DRC2: variants seen among roughly 807,000 people sequenced by gnomAD.
The protein encoded by DRC2 is dynein regulatory complex subunit 2, also known as coiled-coil domain containing 65.
At chr12:48,918,167 G>A in the DRC2 span, 1 of 1,027,764 alleles carries the variant, frequency 9.7e-7, no homozygotes, top group Non-Finnish European at 1.5e-6. Context: ...GGAGACCTCT[G>A]TACTAAACTA....
At chr12:48,916,864 C>G in the DRC2 span, 4 of 1,032,206 alleles carry the variant, frequency 3.9e-6, no homozygotes, top group Admixed American at 9.9e-5. Context: ...TCCATCAGTA[C>G]CTAAGAGTTT....
At chr12:48,904,276 G>C in the DRC2 span, 1 of 1,562,820 alleles carries the variant, frequency 6.4e-7, no homozygotes, top group South Asian at 1.2e-5. Flanking sequence ...TTTCTTCTAA[G>C]CTCTGTAACG....
chr12:48,908,599 TTA>T, the DRC2 span, among the ~76,000 whole-genome samples: 198 of 107,828 alleles, frequency 1.8e-3, 1 homozygote, highest in East Asian at 3.8e-3. Flanking sequence ...ATTATTATTA[TTA>T]TTATTATTTA....
At chr12:48,918,589 GCT>G in the DRC2 span, 1 of 1,489,120 alleles carries the variant, frequency 6.7e-7, no homozygotes, top group Admixed American at 1.9e-5. Flanking sequence ...AAGATGATAT[GCT>G]CTGATTTCAG....
At chr12:48,920,656 A>G in the DRC2 span, among the ~76,000 whole-genome samples, 3 of 151,070 alleles carry the variant, frequency 2.0e-5, no homozygotes, top group Admixed American at 2.0e-4. Flanking sequence ...CCAGTAGCTG[A>G]GACTGTAGGC....
At chr12:48,913,875 C>A in the DRC2 span, among the ~76,000 whole-genome samples, 2 of 151,036 alleles carry the variant, frequency 1.3e-5, no homozygotes, top group Admixed American at 1.3e-4. Flanking sequence ...ATCTGCCCAC[C>A]TTGGCCTCCC....
chr12:48,904,227 A>G, the DRC2 span: 1 of 1,454,896 alleles, frequency 6.9e-7, no homozygotes, highest in South Asian at 1.4e-5. Context: ...ACCGCCCACA[A>G]CCAGGGGCAC....
the DRC2 span, among the ~76,000 whole-genome samples, chr12:48,912,112 TAGCC>T: frequency 6.6e-6 from 1 of 151,838 alleles, no homozygotes; most frequent in Admixed American, 6.6e-5. Flanking sequence ...TATAAAAAAT[TAGCC>T]AGGTGTGGTG....
At chr12:48,912,395 G>A in the DRC2 span, among the ~76,000 whole-genome samples, 250 of 128,206 alleles carry the variant, frequency 1.9e-3, 1 homozygote, top group Non-Finnish European at 1.9e-3. Flanking sequence ...GCGCCACTGC[G>A]CTCCAGCACT....
the DRC2 span, among the ~76,000 whole-genome samples, chr12:48,917,665 A>T: frequency 6.6e-6 from 1 of 152,192 alleles, no homozygotes; most frequent in African/African-American, 2.4e-5. Flanking sequence ...AAAAGCACCA[A>T]GGAGATCATC....
chr12:48,909,689 C>A, the DRC2 span, among the ~76,000 whole-genome samples: 1 of 151,662 alleles, frequency 6.6e-6, no homozygotes, highest in Admixed American at 6.6e-5. Flanking sequence ...TGTTGGCCAG[C>A]TGGTCTCGAA....
the DRC2 span, chr12:48,920,882 C>T: frequency 6.4e-7 from 1 of 1,554,318 alleles, no homozygotes; most frequent in East Asian, 2.3e-5. Context: ...CACTAGCTTC[C>T]CTCTTCACTC....
the DRC2 span, chr12:48,914,703 C>T: frequency 1.3e-6 from 1 of 798,672 alleles, no homozygotes; most frequent in Non-Finnish European, 1.9e-6. Flanking sequence ...GGACCCCCAG[C>T]AGAGAATATC....
the DRC2 span, among the ~76,000 whole-genome samples, chr12:48,910,340 G>C: frequency 6.6e-6 from 1 of 152,162 alleles, no homozygotes; most frequent in Non-Finnish European, 1.5e-5. Context: ...CACAGTGCTG[G>C]TACATAGCAG....
the DRC2 span, among the ~76,000 whole-genome samples, chr12:48,912,437 C>CAAAAA: frequency 0.055 from 2,481 of 45,160 alleles, 343 homozygotes; most frequent in Non-Finnish European, 0.067. Flanking sequence ...GACGCCGTCT[C>CAAAAA]AAAAAAAAAA....
the DRC2 span, among the ~76,000 whole-genome samples, chr12:48,916,264 GT>G: frequency 2.6e-5 from 4 of 152,288 alleles, no homozygotes; most frequent in East Asian, 7.7e-4. Flanking sequence ...GGAGGTGGAG[GT>G]TGTAGCGAGC....
the DRC2 span, among the ~76,000 whole-genome samples, chr12:48,912,852 G>T: frequency 6.6e-6 from 1 of 152,006 alleles, no homozygotes; most frequent in Admixed American, 6.6e-5. Context: ...GATACCCCAG[G>T]TTCTGCCAGG....
the DRC2 span, chr12:48,914,642 G>A: frequency 6.8e-7 from 1 of 1,480,558 alleles, no homozygotes; most frequent in African/African-American, 1.4e-5. Context: ...TCAAGGAGTT[G>A]CCTGTAAGCA....
At chr12:48,910,848 C>T in the DRC2 span, among the ~76,000 whole-genome samples, 1 of 152,028 alleles carries the variant, frequency 6.6e-6, no homozygotes, top group Non-Finnish European at 1.5e-5. Context: ...AGTTCGAGAT[C>T]GGCCTGGGCA....
Sources: allele counts gnomAD v4.1 joint callset (sites outside exome capture counted in the v4.1 genomes callset), GRCh38; gene constraint gnomAD v4.1.1; transcripts MANE v1.5; gene names NCBI Gene and HGNC (gene_info 2026-07-23, HGNC 2026-07-21).